Variants in MRPL39 observed in about 807,000 individuals in gnomAD.
MRPL39 encodes large ribosomal subunit protein mL39.
A neutral mutation model predicts 44.5 loss-of-function variants in MRPL39; 35 were observed. That is an observed-to-expected ratio of 0.79 (90% CI 0.60 to 1.04). The LOEUF is 1.04. MRPL39 is among the 50% of genes least tolerant of loss of function. MRPL39 has a pLI of 0.00. For synonymous variants in MRPL39, 139 were observed against 136.1 expected, an observed-to-expected ratio of 1.02 and a Z score of -0.15; for missense variants, 433 against 413.5, an observed-to-expected ratio of 1.05 and a Z score of -0.41.
rs996802806 is a variant in MRPL39 at position 25,585,849 on chromosome 21, G to A, written c.970-95C>T. 4.8e-6 allele frequency: 4 copies of A among 833,352 alleles called. No homozygotes were observed. The Admixed American group carries it at 6.6e-5, about 14-fold the overall frequency. The allele number at this position is 833,352 out of a possible 1,614,324, so 51.6% of individuals were successfully genotyped here. ...AATCATTCCACAGCCCTCTTATAAT[G>A]ACCCTTTATCTTTCCCCTTAAATAG... On this transcript the variant is annotated intron_variant, in intron 9 of 9. Transcript: ENST00000352957.
intron 6 of MRPL39, among the ~76,000 whole-genome samples, chr21:25,595,019 A>G (rs2031314144): frequency 6.6e-6 from 1 of 152,190 alleles, no homozygotes; most frequent in Admixed American, 6.5e-5. Flanking sequence ...ACTGCCCAGT[A>G]TCTCTCAAAT....
chr21:25,592,542 AC>A (rs924162435), intron 8 of MRPL39, among the ~76,000 whole-genome samples: 2 of 152,018 alleles, frequency 1.3e-5, no homozygotes, highest in Non-Finnish European at 2.9e-5. Flanking sequence ...GCACTCTAAT[AC>A]CCCCTCTGTC....
chr21:25,595,902 G>C (rs1486969429), intron 6 of MRPL39, among the ~76,000 whole-genome samples: 2 of 152,030 alleles, frequency 1.3e-5, no homozygotes, highest in Non-Finnish European at 2.9e-5. Flanking sequence ...TTTTCTTGTC[G>C]AATCAATGCT....
upstream of MRPL39, chr21:25,607,525 C>G: frequency 1.3e-6 from 2 of 1,588,122 alleles, no homozygotes; most frequent in Non-Finnish European, 1.7e-6. Context: ...CCTCCTCCCC[C>G]GGAAACCGAA....
intron 2 of MRPL39, 109 bp downstream of exon 2, chr21:25,606,340 C>T: frequency 1.0e-6 from 1 of 976,384 alleles, no homozygotes; most frequent in African/African-American, 1.7e-5. Context: ...AAAGGGATTG[C>T]CATGGCCACA....
At chr21:25,591,120 A>C (rs2031166618) in intron 8 of MRPL39, among the ~76,000 whole-genome samples, 2 of 150,880 alleles carry the variant, frequency 1.3e-5, no homozygotes, top group South Asian at 2.1e-4. Context: ...CCTAAATCTC[A>C]CACTCATAGA....
chr21:25,606,502 C>T lies in MRPL39; in HGVS notation c.227G>A (p.Gly76Asp). ...GTTTTTATTCATCACGAAGACAGTACCGGGGTCAGTTTTCCCAACATGCTT... is the reference window on the plus strand; with the variant it reads ...GTTTTTATTCATCACGAAGACAGTATCGGGGTCAGTTTTCCCAACATGCTT... ...EVKHVGKTDP[G>D]TVFVMNKNIS... The change falls in exon 2 of 10, where the codon GGT (glycine) becomes GAT (aspartate). Residue 76 changes from glycine (G) to aspartate (D), a missense_variant. Physicochemically the swap from Gly to Asp is moderately conservative, Grantham distance 94. Coordinates refer to ENST00000352957, the MANE Select transcript of MRPL39 (RefSeq NM_017446.4). The T allele has an allele frequency of 1.2e-6, 2 of 1,613,844 alleles. No individual in the cohort carries two copies. Among genetic ancestry groups the T allele is most frequent in the Non-Finnish European group, 1.7e-6 (2 of 1,179,914 alleles).
At chr21:25,601,064 C>T (rs1055688771) in intron 4 of MRPL39, among the ~76,000 whole-genome samples, 3 of 150,660 alleles carry the variant, frequency 2.0e-5, no homozygotes, top group South Asian at 2.1e-4. Flanking sequence ...GCCAAGATCA[C>T]GCCACTGCAC....
intron 9 of MRPL39, among the ~76,000 whole-genome samples, chr21:25,586,850 C>T (rs549543115): frequency 6.6e-6 from 1 of 152,298 alleles, no homozygotes; most frequent in African/African-American, 2.4e-5. Context: ...TCTGAGTCCT[C>T]TTCTTTATGC....
At chr21:25,598,368 A>T (rs2031421503) in intron 5 of MRPL39, among the ~76,000 whole-genome samples, 1 of 151,656 alleles carries the variant, frequency 6.6e-6, no homozygotes, top group African/African-American at 2.4e-5. Flanking sequence ...AGAAAGGCTG[A>T]GGCAGGAAGA....
intron 5 of MRPL39, 65 bp downstream of exon 5, chr21:25,599,732 CAT>C: frequency 7.7e-7 from 1 of 1,297,898 alleles, no homozygotes; most frequent in Non-Finnish European, 1.1e-6. Flanking sequence ...ACAATACTAA[CAT>C]AGGAATCATT....
At chr21:25,591,191 G>A (rs1320437523) in intron 8 of MRPL39, among the ~76,000 whole-genome samples, 1 of 150,714 alleles carries the variant, frequency 6.6e-6, no homozygotes, top group Non-Finnish European at 1.5e-5. Flanking sequence ...ACTTTTAGGA[G>A]GGAAAAAAAA....
chr21:25,606,692 A>T (rs1455966432), intron 1 of MRPL39, 37 bp from the exon 2 acceptor site: 3 of 1,538,334 alleles, frequency 2.0e-6, no homozygotes, highest in African/African-American at 2.7e-5. Flanking sequence ...AGACTGAAAA[A>T]ATGATTAACG....
chr21:25,586,964 C>G (rs1478417692), intron 9 of MRPL39, among the ~76,000 whole-genome samples: 1 of 152,098 alleles, frequency 6.6e-6, no homozygotes, highest in Non-Finnish European at 1.5e-5. Context: ...TTTTTTGTAC[C>G]TCCAGACCAT....
chr21:25,588,311 CAA>C (rs59677467), intron 9 of MRPL39, among the ~76,000 whole-genome samples: 5 of 145,830 alleles, frequency 3.4e-5, no homozygotes, highest in Non-Finnish European at 6.0e-5. Context: ...GACTCTGTCT[CAA>C]AAAAAAAAAG....
At chr21:25,594,261 T>TAC in intron 6 of MRPL39, among the ~76,000 whole-genome samples, 1 of 149,220 alleles carries the variant, frequency 6.7e-6, no homozygotes, top group Admixed American at 6.7e-5. Context: ...TTTTTTTTTT[T>TAC]TTTTTTTTGA....
At chr21:25,590,309 C>CGA (rs2123226687) in intron 8 of MRPL39, among the ~76,000 whole-genome samples, 1 of 152,020 alleles carries the variant, frequency 6.6e-6, no homozygotes, top group South Asian at 2.1e-4. Flanking sequence ...TTTGGCTTCC[C>CGA]TGGGCCACAC....
At chr21:25,588,080 G>C (rs971615989) in intron 9 of MRPL39, among the ~76,000 whole-genome samples, 1 of 152,156 alleles carries the variant, frequency 6.6e-6, no homozygotes, top group Non-Finnish European at 1.5e-5. Flanking sequence ...GGGAGGCTGA[G>C]GGGGGTGGAT....
At position 25,606,493 on chromosome 21, in the gene MRPL39, A is replaced by C. The variant is rs1459594900; in HGVS notation, c.236T>G (p.Phe79Cys). The C allele has an allele frequency of 6.2e-7, 1 of 1,613,272 alleles. No individual in the cohort carries two copies. The highest frequency in any genetic ancestry group is 1.7e-5 in the Admixed American group (1 of 59,806). The change falls in exon 2 of 10, where the codon TTC becomes TGC. Residue 79 changes from phenylalanine (F) to cysteine (C), a missense_variant. Physicochemically the swap from Phe to Cys is radical, Grantham distance 205. Transcript: ENST00000352957. ...AGTTGAAATGTTTTTATTCATCACG[A>C]AGACAGTACCGGGGTCAGTTTTCCC... ...HVGKTDPGTVFVMNKNISTPY... is the reference protein window; with the variant it reads ...HVGKTDPGTVCVMNKNISTPY...
Sources: gnomAD v4.1 joint callset for allele counts (sites outside exome capture counted in the v4.1 genomes callset) on GRCh38, gnomAD v4.1.1 for gene constraint, MANE v1.5 for transcripts, NCBI Gene and HGNC (gene_info 2026-07-23, HGNC 2026-07-21) for gene names.